Variants in PGS1 observed in about 807,000 individuals in gnomAD.
PGS1 encodes phosphatidylglycerophosphate synthase 1.
A neutral mutation model predicts 58.3 loss-of-function variants in PGS1; 44 were observed. The observed-to-expected ratio is 0.75, with a 90% CI of 0.59 to 0.97. PGS1 has a LOEUF of 0.97. PGS1 is among the 50% of genes least tolerant of loss of function. PGS1 has a pLI of 0.00. For missense variants in PGS1, 684 were observed against 731.1 expected (o/e 0.94, Z 0.74); for synonymous variants, 330 against 311.0 (o/e 1.06, Z -0.64).
chr17:78,389,942 C>T (rs1190033866), intron 1 of PGS1, among the ~76,000 whole-genome samples: 4 of 152,156 alleles, frequency 2.6e-5, no homozygotes, highest in Non-Finnish European at 4.4e-5. Flanking sequence ...TTGAAGGCCG[C>T]GTGTGGACTG....
chr17:78,390,089 G>A (rs1428651992), intron 1 of PGS1, among the ~76,000 whole-genome samples: 1 of 46,198 alleles, frequency 2.2e-5, no homozygotes, highest in Non-Finnish European at 4.5e-5. Context: ...TGTTTCATTA[G>A]TGAATATGAG....
At chr17:78,381,145 C>T (rs1375928094) in intron 1 of PGS1, 1 of 152,184 alleles carries the variant, frequency 6.6e-6, no homozygotes, top group Non-Finnish European at 1.5e-5. Context: ...CGCCCAGCCA[C>T]TTTTTTGTTT....
intron 1 of PGS1, 128 bp from the exon 2 acceptor site, chr17:78,392,348 T>A (rs1486597617): frequency 2.4e-5 from 14 of 595,628 alleles, no homozygotes. Context: ...CTAGAAAATC[T>A]GACATTCATA....
At chr17:78,384,994 C>G (rs534413359) in intron 1 of PGS1, among the ~76,000 whole-genome samples, 1 of 152,348 alleles carries the variant, frequency 6.6e-6, no homozygotes, top group Middle Eastern at 3.4e-3. Flanking sequence ...TTGACACGCG[C>G]TGAGGAGAAA....
rs548534896 is a variant in PGS1 at position 78,403,432 on chromosome 17, G to C, written c.881-136G>C. On this transcript the variant is annotated intron_variant, in intron 6 of 9. Transcript: ENST00000262764. ...CCTCGCTCTGGGCTTGGGGTCCTGG[G>C]CCCACTCAGCGAGTGTTCAGTGAAC... 6.2e-4 allele frequency: 600 copies of C among 973,898 alleles called. 1 individual carries two copies. Among genetic ancestry groups the C allele is most frequent in the Non-Finnish European group, 7.7e-4 (504 of 650,348 alleles). The allele number at this position is 973,898 out of a possible 1,614,324, so 60.3% of individuals were successfully genotyped here. A position where few individuals can be genotyped will look rare whatever the true frequency, so the allele number is the denominator to read the frequency against.
At chr17:78,413,036 G>A in intron 7 of PGS1, among the ~76,000 whole-genome samples, 1 of 152,206 alleles carries the variant, frequency 6.6e-6, no homozygotes, top group Non-Finnish European at 1.5e-5. Context: ...CTGGATCAGA[G>A]CCACCAGGGG....
chr17:78,409,880 G>A (rs540045834), intron 7 of PGS1, among the ~76,000 whole-genome samples: 1 of 152,344 alleles, frequency 6.6e-6, no homozygotes, highest in Admixed American at 6.5e-5. Flanking sequence ...GGAGGCCAAG[G>A]TAGGCGGATC....
intron 7 of PGS1, among the ~76,000 whole-genome samples, chr17:78,411,303 A>T (rs944070380): frequency 2.6e-5 from 4 of 152,190 alleles, no homozygotes; most frequent in Non-Finnish European, 5.9e-5. Flanking sequence ...GCTGCCATGG[A>T]GGCCAGGAGT....
At chr17:78,389,877 A>G (rs2082692812) in intron 1 of PGS1, among the ~76,000 whole-genome samples, 1 of 152,062 alleles carries the variant, frequency 6.6e-6, no homozygotes, top group Non-Finnish European at 1.5e-5. Context: ...TGGCCTCCCA[A>G]AGTGCTAAGA....
intron 6 of PGS1, 140 bp from the exon 7 acceptor site, chr17:78,403,428 C>T (rs2083855305): frequency 1.1e-6 from 1 of 950,358 alleles, no homozygotes; most frequent in Non-Finnish European, 1.6e-6. Context: ...GCTTGGGGTC[C>T]TGGGCCCACT....
intron 9 of PGS1, 35 bp from the exon 10 acceptor site, chr17:78,424,026 C>T (rs1171240661): frequency 1.9e-6 from 3 of 1,614,070 alleles, no homozygotes; most frequent in Non-Finnish European, 1.7e-6. Context: ...ACACGGGACA[C>T]TCATAGATGT....
At chr17:78,378,964 A>G (rs1025028792) in intron 1 of PGS1, among the ~76,000 whole-genome samples, 156 bp downstream of exon 1, 12 of 151,902 alleles carry the variant, frequency 7.9e-5, no homozygotes, top group African/African-American at 1.2e-4. Flanking sequence ...CGCCTGACCT[A>G]TGTGCTTCTT....
At chr17:78,384,393 T>C (rs1461799875) in intron 1 of PGS1, among the ~76,000 whole-genome samples, 1 of 152,368 alleles carries the variant, frequency 6.6e-6, no homozygotes, top group African/African-American at 2.4e-5. Context: ...GGAAGTGTTA[T>C]GACTGTTGCT....
chr17:78,392,337 T>G (rs943536776), intron 1 of PGS1, 139 bp from the exon 2 acceptor site: 7 of 576,646 alleles, frequency 1.2e-5, no homozygotes, highest in Non-Finnish European at 2.1e-5. Context: ...TTTAAAATGT[T>G]CTAGAAAATC....
intron 1 of PGS1, among the ~76,000 whole-genome samples, chr17:78,384,964 G>A (rs1598231575): frequency 6.6e-6 from 1 of 152,236 alleles, no homozygotes; most frequent in Non-Finnish European, 1.5e-5. Context: ...GCGGGCGCCC[G>A]GTAGGGCCTC....
Position 78,403,599 on chromosome 17 carries a change from T to C in PGS1, c.912T>C (p.Asn304=). 1 of 1,613,188 alleles carries C rather than the reference T, an allele frequency of 6.2e-7. No individual in the cohort carries two copies. Among genetic ancestry groups the C allele is most frequent in the Non-Finnish European group, 8.5e-7 (1 of 1,179,282 alleles). Residue 304 remains asparagine, a synonymous_variant, in exon 7 of 10, where the codon AAT becomes AAC. Transcript: ENST00000262764. The part of the protein sequence containing the change: ...GDRAEYCKAA[N]KRVMDVINSA... ...GGGCCGAGTACTGCAAGGCAGCCAA[T>C]AAGAGGGTCATGGATGTGATCAACT...
chr17:78,386,954 G>GTGATGA (rs759074948), intron 1 of PGS1, among the ~76,000 whole-genome samples: 15 of 151,200 alleles, frequency 9.9e-5, no homozygotes, highest in South Asian at 4.2e-4. Flanking sequence ...GGTGATGATG[G>GTGATGA]TGATGATGAT....
At chr17:78,420,106 T>C in intron 9 of PGS1, 1 of 1,043,482 alleles carries the variant, frequency 9.6e-7, no homozygotes, top group Admixed American at 4.9e-5. Flanking sequence ...AGAGTGGCTC[T>C]GGCTTGCTGC....
intron 8 of PGS1, among the ~76,000 whole-genome samples, chr17:78,419,122 C>T (rs2085465360): frequency 6.6e-6 from 1 of 152,118 alleles, no homozygotes; most frequent in Admixed American, 6.5e-5. Context: ...CCTTGCCTAC[C>T]TCAGCCTCCC....
Sources: allele counts gnomAD v4.1 joint callset (sites outside exome capture counted in the v4.1 genomes callset), GRCh38; gene constraint gnomAD v4.1.1; transcripts MANE v1.5; gene names NCBI Gene and HGNC (gene_info 2026-07-23, HGNC 2026-07-21).